The following APELA variants were observed in gnomAD, a reference collection of about 807,000 sequenced individuals.
APELA encodes apelin receptor early endogenous ligand, also known as protein Elabela.
chr4:164,886,423 G>A lies in APELA; in HGVS notation c.*1+7414G>A, dbSNP rs766077322. On this transcript the variant is annotated intron_variant, in intron 2 of 2. Coordinates refer to ENST00000507152, the MANE Select transcript of APELA (RefSeq NM_001297550.2). ...ACCCAGCACTTTGGGAGCCTGAGGT[G>A]GGAGGATCTTTTAAGACCAGGAGTT... Among the ~76,000 whole-genome samples, 18 of 152,222 alleles carry A rather than the reference G, an allele frequency of 1.2e-4. No homozygotes were observed. In the South Asian group the frequency reaches 1.2e-3, roughly 11 times the overall value.
At chr4:164,891,690 G>A (rs1289898968) in intron 2 of APELA, among the ~76,000 whole-genome samples, 2 of 151,984 alleles carry the variant, frequency 1.3e-5, no homozygotes, top group Non-Finnish European at 2.9e-5. Context: ...TTTTCAGAAG[G>A]TTCCTTAGGA....
At chr4:164,889,431 ATTTAC>A (rs1730838698) in intron 2 of APELA, among the ~76,000 whole-genome samples, 2 of 152,088 alleles carry the variant, frequency 1.3e-5, no homozygotes, top group Non-Finnish European at 2.9e-5. Flanking sequence ...ATTTAATCTA[ATTTAC>A]TTTAATATTG....
intron 1 of APELA, 110 bp from the exon 2 acceptor site, chr4:164,878,810 G>A (rs1238968357): frequency 3.0e-5 from 12 of 396,846 alleles, no homozygotes; most frequent in Non-Finnish European, 4.9e-5. Context: ...TTGAACAAAT[G>A]GCAAATAACC....
intron 2 of APELA, among the ~76,000 whole-genome samples, chr4:164,887,045 C>T (rs1177050338): frequency 1.3e-5 from 2 of 152,098 alleles, no homozygotes; most frequent in Non-Finnish European, 2.9e-5. Flanking sequence ...CCAAGCGGGT[C>T]TCAAACTCTT....
At chr4:164,898,164 T>A (rs978738488), downstream of APELA, among the ~76,000 whole-genome samples, 2 of 151,900 alleles carry the variant, frequency 1.3e-5, no homozygotes, top group Admixed American at 1.3e-4. Context: ...ATGCTGGGAT[T>A]ACAGGCGTGA....
intron 2 of APELA, among the ~76,000 whole-genome samples, chr4:164,891,669 T>C (rs1450830872): frequency 2.0e-5 from 3 of 152,170 alleles, no homozygotes; most frequent in South Asian, 2.1e-4. Flanking sequence ...TATTGATTCA[T>C]TCTCATAGGT....
At chr4:164,897,779 C>T (rs1731002794), downstream of APELA, among the ~76,000 whole-genome samples, 1 of 152,230 alleles carries the variant, frequency 6.6e-6, no homozygotes, top group South Asian at 2.1e-4. Flanking sequence ...GTTGACCTAC[C>T]AGAACAGGTC....
At chr4:164,883,387 G>GA (rs2111053914) in intron 2 of APELA, among the ~76,000 whole-genome samples, 1 of 151,942 alleles carries the variant, frequency 6.6e-6, no homozygotes, top group South Asian at 2.1e-4. Flanking sequence ...TACTTCAAGT[G>GA]AAATAGGAGG....
At chr4:164,890,140 C>G (rs1730852244) in intron 2 of APELA, among the ~76,000 whole-genome samples, 1 of 152,148 alleles carries the variant, frequency 6.6e-6, no homozygotes, top group African/African-American at 2.4e-5. Context: ...TTGAACAACG[C>G]TGCAGTGAAT....
At chr4:164,878,196 A>AGAAAGAAAGAAAGAAAG (rs1553970694) in intron 1 of APELA, among the ~76,000 whole-genome samples, 45 of 143,458 alleles carry the variant, frequency 3.1e-4, no homozygotes, top group African/African-American at 9.2e-4. Flanking sequence ...AGAAACAGAA[A>AGAAAGAAAGAAAGAAAG]AAAGAAAGAA....
At chr4:164,898,057 A>G (rs1037941813), downstream of APELA, among the ~76,000 whole-genome samples, 3 of 151,914 alleles carry the variant, frequency 2.0e-5, no homozygotes, top group African/African-American at 7.2e-5. Flanking sequence ...TGTCCAGCTA[A>G]TTTTTGTATT....
chr4:164,877,779 G>A (rs147706869), intron 1 of APELA, among the ~76,000 whole-genome samples: 90 of 152,228 alleles, frequency 5.9e-4, no homozygotes, highest in African/African-American at 2.1e-3. Flanking sequence ...CTCCAAAGCA[G>A]TTTATTTAAA....
chr4:164,895,067 C>G (rs779651862), intron 2 of APELA, among the ~76,000 whole-genome samples: 4 of 152,102 alleles, frequency 2.6e-5, no homozygotes. Flanking sequence ...ACACCAGTGG[C>G]GCACACCTGT....
intron 2 of APELA, among the ~76,000 whole-genome samples, chr4:164,888,924 C>T (rs1730829708): frequency 6.6e-6 from 1 of 152,112 alleles, no homozygotes; most frequent in Non-Finnish European, 1.5e-5. Context: ...TACTCTTCAC[C>T]TTTTTCCTAC....
chr4:164,882,774 G>A (rs1262832333), intron 2 of APELA, among the ~76,000 whole-genome samples: 3 of 151,926 alleles, frequency 2.0e-5, no homozygotes, highest in Admixed American at 6.6e-5. Flanking sequence ...AGTCCCTGGT[G>A]TGTGATGTTC....
chr4:164,892,856 G>T (rs2111068365), intron 2 of APELA, among the ~76,000 whole-genome samples: 1 of 152,010 alleles, frequency 6.6e-6, no homozygotes, highest in Middle Eastern at 3.4e-3. Context: ...CTAGGAATTT[G>T]TCTATTTTAT....
chr4:164,885,653 A>C (rs926181215), intron 2 of APELA, among the ~76,000 whole-genome samples: 3 of 152,012 alleles, frequency 2.0e-5, no homozygotes, highest in Admixed American at 1.3e-4. Context: ...AGGCAGGAGA[A>C]TCACTTGAAC....
chr4:164,890,018 G>A (rs964491999), intron 2 of APELA, among the ~76,000 whole-genome samples: 20 of 152,272 alleles, frequency 1.3e-4, no homozygotes, highest in African/African-American at 4.8e-4. Flanking sequence ...CCTAGAACCA[G>A]TTCCCAGGGA....
intron 2 of APELA, among the ~76,000 whole-genome samples, chr4:164,893,207 A>G (rs7691785): frequency 0.28 from 42,395 of 151,838 alleles, 6,160 homozygotes; most frequent in East Asian, 0.45. Context: ...TTCAATTGGG[A>G]TCTTTCTTCT....
Sources: gnomAD v4.1 joint callset for allele counts (sites outside exome capture counted in the v4.1 genomes callset) on GRCh38, gnomAD v4.1.1 for gene constraint, MANE v1.5 for transcripts, NCBI Gene and HGNC (gene_info 2026-07-23, HGNC 2026-07-21) for gene names.